Variants in HECW2 observed in about 807,000 individuals in gnomAD.
The protein encoded by HECW2 is HECT, C2 and WW domain containing E3 ubiquitin protein ligase 2.
In HECW2, 61 loss-of-function variants were observed where a neutral mutation model predicts 175.2. That is an observed-to-expected ratio of 0.35 (90% CI 0.28 to 0.43). The LOEUF is 0.43. Among genes scored for constraint, HECW2 ranks in the 20% least tolerant of loss-of-function variants. The pLI is 1.00. For missense variants in HECW2, 1,524 were observed against 2,000.5 expected (o/e 0.76, Z 4.54); for synonymous variants, 671 against 731.0 (o/e 0.92, Z 1.32).
chr2:196,206,824 G>A (rs1029527147), intron 28 of HECW2, among the ~76,000 whole-genome samples: 7 of 152,222 alleles, frequency 4.6e-5, no homozygotes, highest in African/African-American at 1.7e-4. Context: ...CAAAAGGCTA[G>A]GAGACACCTT....
At chr2:196,280,141 T>C (rs1205928826) in intron 14 of HECW2, among the ~76,000 whole-genome samples, 1 of 152,162 alleles carries the variant, frequency 6.6e-6, no homozygotes, top group Non-Finnish European at 1.5e-5. Flanking sequence ...GATCAGATAG[T>C]TAATTAGGTC....
intron 17 of HECW2, among the ~76,000 whole-genome samples, chr2:196,270,970 AG>A (rs1689710900): frequency 6.6e-6 from 1 of 152,242 alleles, no homozygotes; most frequent in African/African-American, 2.4e-5. Context: ...CTGAGATTAC[AG>A]GCGTGAGTCG....
chr2:196,558,625 CTGACATG>C (rs1159021929), intron 1 of HECW2, among the ~76,000 whole-genome samples: 1 of 152,226 alleles, frequency 6.6e-6, no homozygotes, highest in Admixed American at 6.5e-5. Flanking sequence ...TTGATTCTAG[CTGACATG>C]TTGGCGTATC....
chr2:196,407,724 C>T, intron 2 of HECW2, among the ~76,000 whole-genome samples: 1 of 152,266 alleles, frequency 6.6e-6, no homozygotes, highest in Admixed American at 6.5e-5. Flanking sequence ...ATGTATTGAA[C>T]TGTGTGTGTG....
chr2:196,322,587 A>G lies in HECW2; in HGVS notation c.775T>C (p.Leu259=). Residue 259 remains leucine (L), a synonymous_variant, in exon 7 of 29, where the codon TTA becomes CTA. Transcript: ENST00000644978. ...YSFFALLTDV[L]EIEIKDKFAK... Reference sequence around the variant, plus strand: ...AATTTGTCTTTAATTTCAATTTCTAAGACATCAGTAAGAAGTGCAAAAAAG... The same window carrying G: ...AATTTGTCTTTAATTTCAATTTCTAGGACATCAGTAAGAAGTGCAAAAAAG... 6.2e-7 allele frequency: 1 copy of G among 1,613,754 alleles called. No homozygotes were observed. Among genetic ancestry groups the G allele is most frequent in the Non-Finnish European group, 8.5e-7 (1 of 1,179,622 alleles).
intron 1 of HECW2, among the ~76,000 whole-genome samples, chr2:196,485,296 G>T (rs527766623): frequency 1.3e-5 from 2 of 152,306 alleles, no homozygotes; most frequent in African/African-American, 2.4e-5. Flanking sequence ...ACCAGAAAAA[G>T]AAGAATATCA....
intron 1 of HECW2, among the ~76,000 whole-genome samples, chr2:196,469,138 T>C (rs972692461): frequency 6.8e-6 from 1 of 146,708 alleles, no homozygotes; most frequent in African/African-American, 2.7e-5. Context: ...TGTGTGTGTG[T>C]GTGTGTGTGT....
chr2:196,221,005 T>TA (rs1183706246), intron 24 of HECW2, 64 bp from the exon 25 acceptor site: 1 of 1,523,798 alleles, frequency 6.6e-7, no homozygotes, highest in African/African-American at 1.4e-5. Context: ...ACAACATTAC[T>TA]AGCATTGAGC....
intron 13 of HECW2, among the ~76,000 whole-genome samples, chr2:196,304,518 C>G (rs1327809076): frequency 1.3e-5 from 2 of 152,164 alleles, no homozygotes; most frequent in Admixed American, 1.3e-4. Flanking sequence ...TTATTTACCA[C>G]TCTATTCCCA....
At chr2:196,202,059 AAT>A (rs890196636) in intron 28 of HECW2, among the ~76,000 whole-genome samples, 3 of 152,196 alleles carry the variant, frequency 2.0e-5, no homozygotes, top group African/African-American at 7.2e-5. Context: ...ATAGGAAAAA[AAT>A]ATGTTTTCCT....
intron 3 of HECW2, among the ~76,000 whole-genome samples, chr2:196,337,889 TAG>T (rs1354140989): frequency 6.6e-6 from 1 of 152,128 alleles, no homozygotes; most frequent in East Asian, 1.9e-4. Context: ...AAGCCAGTCA[TAG>T]ATCATGGCAA....
At chr2:196,210,104 G>A (rs1399061385) in intron 28 of HECW2, among the ~76,000 whole-genome samples, 1 of 152,122 alleles carries the variant, frequency 6.6e-6, no homozygotes, top group East Asian at 1.9e-4. Context: ...TGTATTTCAG[G>A]ACTTGGTTAT....
At chr2:196,202,418 T>C (rs112415664) in intron 28 of HECW2, among the ~76,000 whole-genome samples, 2 of 152,218 alleles carry the variant, frequency 1.3e-5, no homozygotes, top group African/African-American at 2.4e-5. Context: ...GTTTGGATTC[T>C]AGCTCTATCA....
chr2:196,495,370 C>T (rs1687354945), intron 1 of HECW2, among the ~76,000 whole-genome samples: 1 of 152,064 alleles, frequency 6.6e-6, no homozygotes, highest in South Asian at 2.1e-4. Context: ...CCTGTCATCA[C>T]TCTTTATACT....
At chr2:196,438,408 C>T (rs1050050235) in intron 1 of HECW2, among the ~76,000 whole-genome samples, 1 of 152,170 alleles carries the variant, frequency 6.6e-6, no homozygotes, top group Non-Finnish European at 1.5e-5. Flanking sequence ...TAAACAGTTA[C>T]TAATTTTTTT....
intron 1 of HECW2, among the ~76,000 whole-genome samples, chr2:196,521,355 A>T (rs1269560559): frequency 6.6e-6 from 1 of 151,600 alleles, no homozygotes; most frequent in African/African-American, 2.4e-5. Flanking sequence ...CTAATTTTAT[A>T]CAGAAAATTT....
chr2:196,224,189 G>A (rs1687768846), intron 23 of HECW2, among the ~76,000 whole-genome samples: 1 of 152,146 alleles, frequency 6.6e-6, no homozygotes, highest in African/African-American at 2.4e-5. Context: ...AGAGTGGCCT[G>A]AGAATAGTGG....
intron 1 of HECW2, among the ~76,000 whole-genome samples, chr2:196,435,242 T>C (rs1695835530): frequency 6.6e-6 from 1 of 152,242 alleles, no homozygotes; most frequent in African/African-American, 2.4e-5. Context: ...CTGTATGTGG[T>C]CTATGGTAAC....
chr2:196,249,764 T>C (rs983696060), intron 19 of HECW2, among the ~76,000 whole-genome samples: 2 of 152,228 alleles, frequency 1.3e-5, no homozygotes, highest in Non-Finnish European at 2.9e-5. Flanking sequence ...CTTCCATTGA[T>C]ATCAGGCTGT....
Sources: gnomAD v4.1 joint callset for allele counts (sites outside exome capture counted in the v4.1 genomes callset) on GRCh38, gnomAD v4.1.1 for gene constraint, MANE v1.5 for transcripts, NCBI Gene and HGNC (gene_info 2026-07-23, HGNC 2026-07-21) for gene names.